Variants in C3orf52 observed in about 807,000 individuals in gnomAD.
C3orf52 encodes chromosome 3 open reading frame 52, also known as TPA-induced transmembrane protein.
In C3orf52, 22 loss-of-function variants were observed where a neutral mutation model predicts 24.8. That is an observed-to-expected ratio of 0.89 (90% CI 0.63 to 1.27). The LOEUF is 1.27. Among genes scored for constraint, C3orf52 ranks in the 50% most tolerant of loss-of-function variants. The pLI is 0.00. For missense variants in C3orf52, 265 were observed against 260.7 expected (o/e 1.02, Z -0.11); for synonymous variants, 93 against 100.2 (o/e 0.93, Z 0.43).
chr3:112,123,234 A>T, intron 4 of C3orf52: 1 of 790,060 alleles, frequency 1.3e-6, no homozygotes, highest in Middle Eastern at 3.9e-4. Flanking sequence ...AAAGATGGTT[A>T]CCTCTTTCTC....
chr3:112,133,338 T>C (rs190907855), downstream of C3orf52: 72 of 506,984 alleles, frequency 1.4e-4, no homozygotes, highest in Non-Finnish European at 2.3e-4. Flanking sequence ...AACATGTCAG[T>C]GCCTGAACCA....
chr3:112,094,822 G>T (rs889679222), intron 2 of C3orf52, among the ~76,000 whole-genome samples: 2 of 152,226 alleles, frequency 1.3e-5, no homozygotes, highest in Non-Finnish European at 2.9e-5. Context: ...GGTAGAGAGG[G>T]GCTCGACTGA....
chr3:112,108,494 G>T (rs145632851), intron 3 of C3orf52, among the ~76,000 whole-genome samples: 1 of 152,118 alleles, frequency 6.6e-6, no homozygotes, highest in Non-Finnish European at 1.5e-5. Context: ...GGAAACTCCC[G>T]CATGTCCAAG....
chr3:112,114,386 T>C (rs1439603670), intron 5 of C3orf52, among the ~76,000 whole-genome samples: 1 of 145,150 alleles, frequency 6.9e-6, no homozygotes, highest in African/African-American at 2.6e-5. Flanking sequence ...GAAGAGATTG[T>C]GCCCCAGTTA....
At chr3:112,132,052 ACAAT>A (rs1223443307), downstream of C3orf52, among the ~76,000 whole-genome samples, 2 of 152,192 alleles carry the variant, frequency 1.3e-5, no homozygotes, top group Non-Finnish European at 2.9e-5. Context: ...TAAATAAGAA[ACAAT>A]CACTACATTT....
chr3:112,105,574 TC>T (rs71631328), intron 3 of C3orf52, among the ~76,000 whole-genome samples: 2 of 141,876 alleles, frequency 1.4e-5, no homozygotes, highest in Non-Finnish European at 3.0e-5. Context: ...GTGTGTGTTT[TC>T]CACACCAACC....
rs1254504002 is a variant in C3orf52, at chr3:112,116,933, G to T, written c.*287G>T. 5.2e-6 allele frequency: 8 copies of T among 1,533,792 alleles called. No individual in the cohort carries two copies. The highest frequency in any genetic ancestry group is 5.2e-6 in the Non-Finnish European group (6 of 1,144,558). On this transcript the variant is annotated 3_prime_UTR_variant, in exon 6 of 6. Coordinates refer to ENST00000264848, the MANE Select transcript of C3orf52 (RefSeq NM_024616.3). ...TATGTCCCACTGTTGGAGGTCACTGGTATTCTGTTTGTTTTTGTTTTGTTT... is the reference window on the plus strand; with the variant it reads ...TATGTCCCACTGTTGGAGGTCACTGTTATTCTGTTTGTTTTTGTTTTGTTT...
chr3:112,100,337 C>T (rs2073961211), intron 2 of C3orf52, among the ~76,000 whole-genome samples: 1 of 152,178 alleles, frequency 6.6e-6, no homozygotes, highest in South Asian at 2.1e-4. Context: ...ACATACAACA[C>T]ATGTTTTTGT....
At chr3:112,132,091 A>T (rs1156415787), downstream of C3orf52, among the ~76,000 whole-genome samples, 1 of 152,180 alleles carries the variant, frequency 6.6e-6, no homozygotes, top group Non-Finnish European at 1.5e-5. Context: ...TAGTAATAAA[A>T]ATAGTAATTT....
chr3:112,104,780 C>T (rs181278774), intron 3 of C3orf52, among the ~76,000 whole-genome samples: 1 of 152,196 alleles, frequency 6.6e-6, no homozygotes, highest in Admixed American at 6.5e-5. Context: ...AGTCTTTTAT[C>T]CCTCACCCCC....
intron 2 of C3orf52, among the ~76,000 whole-genome samples, chr3:112,096,991 A>T (rs2073932059): frequency 6.6e-6 from 1 of 152,218 alleles, no homozygotes; most frequent in Non-Finnish European, 1.5e-5. Context: ...CACAATCGAC[A>T]TGGAAATTTT....
chr3:112,132,724 G>T (rs900111256), downstream of C3orf52: 2 of 950,026 alleles, frequency 2.1e-6, no homozygotes, highest in Non-Finnish European at 2.5e-6. Context: ...GGCTGAAAGA[G>T]GGTGGTGATT....
chr3:112,091,880 T>C (rs1358416410), intron 1 of C3orf52, among the ~76,000 whole-genome samples: 5 of 151,994 alleles, frequency 3.3e-5, no homozygotes, highest in Non-Finnish European at 7.4e-5. Context: ...GGCGGGCGCC[T>C]GTAGTCCCAG....
At chr3:112,086,645 C>G in intron 1 of C3orf52, 100 bp downstream of exon 1, 1 of 1,414,164 alleles carries the variant, frequency 7.1e-7, no homozygotes, top group Non-Finnish European at 9.5e-7. Context: ...TCAGGCGGGG[C>G]GTCGACGGCG....
Position 112,112,959 on chromosome 3 carries a change from T to C in C3orf52, c.468-5T>C. 1.9e-6 allele frequency: 3 copies of C among 1,604,186 alleles called. No individual in the cohort carries two copies. The highest frequency in any genetic ancestry group is 2.6e-6 in the Non-Finnish European group (3 of 1,174,668). The stretch of plus-strand genomic sequence containing the variant: ...TATGTTTTAATGTCTTCCATTGCCT[T>C]TCAGTGGTGAAAATGCCACAGTAAC... On this transcript the variant is annotated splice_polypyrimidine_tract_variant and splice_region_variant and intron_variant, in intron 4 of 5. Coordinates refer to ENST00000264848, the MANE Select transcript of C3orf52 (RefSeq NM_024616.3).
intron 1 of C3orf52, among the ~76,000 whole-genome samples, chr3:112,091,982 C>T (rs1341677977): frequency 6.8e-6 from 1 of 148,128 alleles, no homozygotes; most frequent in Non-Finnish European, 1.5e-5. Context: ...CCAGCCTGGG[C>T]GACAGAGCGA....
chr3:112,102,626 CTT>C (rs1303764960), intron 2 of C3orf52, among the ~76,000 whole-genome samples: 2 of 152,146 alleles, frequency 1.3e-5, no homozygotes, highest in African/African-American at 4.8e-5. Flanking sequence ...ATAAAACAAA[CTT>C]TTTATTTTGA....
At chr3:112,112,764 G>C in intron 4 of C3orf52, 200 bp from the exon 5 acceptor site, 1 of 635,498 alleles carries the variant, frequency 1.6e-6, no homozygotes, top group East Asian at 3.0e-5. Context: ...GAGGAGGTTA[G>C]GATCACCTCA....
chr3:112,132,316 A>G (rs147202771), downstream of C3orf52, among the ~76,000 whole-genome samples: 806 of 152,234 alleles, frequency 5.3e-3, 4 homozygotes, highest in African/African-American at 0.019. Context: ...GATTCCAAAC[A>G]TAACCCTGTG....
Sources: allele counts gnomAD v4.1 joint callset (sites outside exome capture counted in the v4.1 genomes callset), GRCh38; gene constraint gnomAD v4.1.1; transcripts MANE v1.5; gene names NCBI Gene and HGNC (gene_info 2026-07-23, HGNC 2026-07-21).